RALYL: variants seen among roughly 807,000 people sequenced by gnomAD.
The protein encoded by RALYL is RNA-binding Raly-like protein.
RALYL carries 29 observed loss-of-function variants against 35.1 expected under a neutral mutation model. The observed-to-expected ratio is 0.83, with a 90% CI of 0.61 to 1.13. The LOEUF (loss-of-function observed/expected upper bound fraction) is 1.13, where lower values mean the gene tolerates loss of function less well. RALYL is among the 50% of genes most tolerant of loss of function. RALYL has a pLI of 0.00. For synonymous variants in RALYL, 120 were observed against 127.6 expected (o/e 0.94, Z 0.40); for missense variants, 359 against 360.4 (o/e 1.00, Z 0.03).
At chr8:84,369,436 G>A (rs2131394651) in intron 1 of RALYL, among the ~76,000 whole-genome samples, 1 of 152,128 alleles carries the variant, frequency 6.6e-6, no homozygotes. Flanking sequence ...TCTTGGTTCT[G>A]CAGATTGTTT....
chr8:84,262,175 A>G (rs747329907), intron 1 of RALYL, among the ~76,000 whole-genome samples: 9 of 152,156 alleles, frequency 5.9e-5, no homozygotes, highest in Non-Finnish European at 1.2e-4. Flanking sequence ...GATGTTATTA[A>G]TTTTAGTGTT....
intron 2 of RALYL, among the ~76,000 whole-genome samples, chr8:84,766,420 G>A (rs768627712): frequency 1.3e-5 from 2 of 151,476 alleles, no homozygotes; most frequent in Admixed American, 6.6e-5. Flanking sequence ...CCAGCCAGGC[G>A]TGGTGGCTCA....
intron 2 of RALYL, among the ~76,000 whole-genome samples, chr8:84,614,268 G>A (rs1302938092): frequency 2.6e-5 from 4 of 151,550 alleles, no homozygotes; most frequent in Non-Finnish European, 5.9e-5. Flanking sequence ...TATTGTTGGT[G>A]TTGGAAGTAG....
chr8:84,877,254 A>G (rs1044279869), intron 7 of RALYL, among the ~76,000 whole-genome samples: 2 of 152,130 alleles, frequency 1.3e-5, no homozygotes, highest in African/African-American at 4.8e-5. Context: ...TGGGAGGCTG[A>G]GGCAAGTGGA....
intron 2 of RALYL, among the ~76,000 whole-genome samples, chr8:84,582,401 G>A (rs542872153): frequency 6.6e-6 from 1 of 151,856 alleles, no homozygotes; most frequent in African/African-American, 2.4e-5. Context: ...GATCTGTAAT[G>A]AATCATACCA....
chr8:84,359,430 C>T (rs1852502943), intron 1 of RALYL, among the ~76,000 whole-genome samples: 1 of 151,834 alleles, frequency 6.6e-6, no homozygotes, highest in Admixed American at 6.6e-5. Context: ...AGACAATATT[C>T]TGTTTATAAT....
chr8:84,377,460 T>TTTGTTTGTTTGTTTGTTTG (rs1305312128), intron 1 of RALYL, among the ~76,000 whole-genome samples: 5 of 143,166 alleles, frequency 3.5e-5, no homozygotes, highest in African/African-American at 1.4e-4. Context: ...TGTTTTTTTT[T>TTTGTTTGTTTGTTTGTTTG]TTTTTTTTTT....
chr8:84,630,764 A>G (rs1445824421), intron 2 of RALYL, among the ~76,000 whole-genome samples: 1 of 152,040 alleles, frequency 6.6e-6, no homozygotes, highest in African/African-American at 2.4e-5. Flanking sequence ...GAGAGTAGGT[A>G]CTCCATAAAC....
At chr8:84,870,268 T>A (rs1263199846) in intron 6 of RALYL, among the ~76,000 whole-genome samples, 3 of 151,796 alleles carry the variant, frequency 2.0e-5, no homozygotes, top group Non-Finnish European at 4.4e-5. Flanking sequence ...ATAATTTTTT[T>A]TTTTTTTTGA....
rs1855956872 is a variant in RALYL, at chr8:84,372,661, T to TCC, written c.-23-156638_-23-156637insCC. Among the ~76,000 whole-genome samples, 15 of 152,054 alleles carry TCC rather than the reference T, an allele frequency of 9.9e-5. No homozygotes were observed. In the South Asian group the frequency reaches 3.1e-3, roughly 32 times the overall value. ...TGACTGGGAGAACCACTTGAGTTGATGAGTTCCAGCCAACAAAGTCAGACC... is the reference window on the plus strand; with the variant it reads ...TGACTGGGAGAACCACTTGAGTTGATCCGAGTTCCAGCCAACAAAGTCAGACC... On this transcript the variant is annotated intron_variant, in intron 1 of 8. Transcript: ENST00000521268.
intron 1 of RALYL, among the ~76,000 whole-genome samples, chr8:84,488,903 A>G (rs28682420): frequency 0.039 from 5,979 of 152,106 alleles, 236 homozygotes; most frequent in African/African-American, 0.098. Context: ...TAGTTATAAG[A>G]GCTGCCAAAA....
At chr8:84,630,549 C>T (rs1334290430) in intron 2 of RALYL, among the ~76,000 whole-genome samples, 2 of 151,996 alleles carry the variant, frequency 1.3e-5, no homozygotes, top group African/African-American at 4.8e-5. Flanking sequence ...CCATGTTTCT[C>T]CTCAATAATG....
chr8:84,429,113 G>A (rs554629962), intron 1 of RALYL, among the ~76,000 whole-genome samples: 1 of 152,230 alleles, frequency 6.6e-6, no homozygotes, highest in South Asian at 2.1e-4. Context: ...TGCTGAGTGA[G>A]AGGTACTAGG....
chr8:84,206,268 G>A (rs929026573), intron 1 of RALYL, among the ~76,000 whole-genome samples: 1 of 152,124 alleles, frequency 6.6e-6, no homozygotes, highest in Non-Finnish European at 1.5e-5. Flanking sequence ...TTCTATGTGG[G>A]ACCAAGTAAA....
intron 8 of RALYL, among the ~76,000 whole-genome samples, chr8:84,893,865 A>T (rs1289192866): frequency 6.6e-6 from 1 of 152,222 alleles, no homozygotes; most frequent in African/African-American, 2.4e-5. Context: ...CACACAATCA[A>T]ATCAGGCAAA....
At chr8:84,541,793 T>C (rs2060032897) in intron 2 of RALYL, among the ~76,000 whole-genome samples, 1 of 152,100 alleles carries the variant, frequency 6.6e-6, no homozygotes, top group Admixed American at 6.6e-5. Flanking sequence ...TCCTTTCATA[T>C]AGTATGATAT....
intron 1 of RALYL, among the ~76,000 whole-genome samples, chr8:84,376,993 A>G (rs1857033668): frequency 6.6e-6 from 1 of 151,882 alleles, no homozygotes; most frequent in South Asian, 2.1e-4. Context: ...AGTATTGTTT[A>G]CAAGTTGGAA....
At chr8:84,842,438 T>C (rs1265946465) in intron 4 of RALYL, among the ~76,000 whole-genome samples, 3 of 152,174 alleles carry the variant, frequency 2.0e-5, no homozygotes, top group Non-Finnish European at 4.4e-5. Flanking sequence ...AATCTCTGAA[T>C]AGACCAATAA....
intron 1 of RALYL, among the ~76,000 whole-genome samples, chr8:84,430,028 G>GT (rs1208846689): frequency 6.6e-6 from 1 of 151,500 alleles, no homozygotes; most frequent in Non-Finnish European, 1.5e-5. Context: ...AAAAAAAAGA[G>GT]TTCCATTTTT....
Sources: gnomAD v4.1 joint callset for allele counts (sites outside exome capture counted in the v4.1 genomes callset) on GRCh38, gnomAD v4.1.1 for gene constraint, MANE v1.5 for transcripts, NCBI Gene and HGNC (gene_info 2026-07-23, HGNC 2026-07-21) for gene names.